Variants in EYS observed in about 807,000 individuals in gnomAD.
EYS encodes protein eyes shut homolog.
A neutral mutation model predicts 282.1 loss-of-function variants in EYS; 250 were observed. The observed-to-expected ratio is 0.89, with a 90% CI of 0.80 to 0.98. EYS has a LOEUF of 0.98. Among genes scored for constraint, EYS ranks in the 50% least tolerant of loss-of-function variants. EYS has a pLI of 0.00. For synonymous variants in EYS, 1,355 were observed against 1,282.9 expected (o/e 1.06, Z -1.20); for missense variants, 4,016 against 3,709.0 (o/e 1.08, Z -2.15).
intron 26 of EYS, among the ~76,000 whole-genome samples, chr6:64,479,208 C>G (rs1776364060): frequency 1.3e-5 from 2 of 151,934 alleles, no homozygotes; most frequent in Non-Finnish European, 2.9e-5. Flanking sequence ...CATTATGGCT[C>G]TCATAAGCTG....
chr6:65,454,421 T>A (rs181238485), intron 5 of EYS, among the ~76,000 whole-genome samples: 7 of 152,044 alleles, frequency 4.6e-5, no homozygotes, highest in Non-Finnish European at 1.0e-4. Context: ...GTTAGATGTA[T>A]AATTTGCACA....
intron 36 of EYS, among the ~76,000 whole-genome samples, chr6:63,852,073 C>T (rs1455925337): frequency 9.6e-5 from 13 of 135,168 alleles, no homozygotes; most frequent in East Asian, 4.8e-4. Context: ...AGGAGAATGG[C>T]GTGAACCCGG....
intron 31 of EYS, among the ~76,000 whole-genome samples, chr6:64,098,743 G>GGT (rs1350738912): frequency 6.6e-6 from 1 of 151,826 alleles, no homozygotes; most frequent in Admixed American, 6.6e-5. Flanking sequence ...TGGGACTAGA[G>GGT]GTGTGTGCCA....
intron 15 of EYS, among the ~76,000 whole-genome samples, chr6:64,938,222 G>A (rs575517888): frequency 4.0e-5 from 6 of 151,614 alleles, no homozygotes; most frequent in East Asian, 1.9e-4. Flanking sequence ...ACTTCTCTAC[G>A]AATCTACTAA....
intron 33 of EYS, among the ~76,000 whole-genome samples, chr6:64,001,950 A>G (rs1363701367): frequency 6.6e-6 from 1 of 152,168 alleles, no homozygotes; most frequent in African/African-American, 2.4e-5. Flanking sequence ...GAGAAACTAA[A>G]TGAGAATAGG....
At chr6:63,922,460 G>A (rs1764599581) in intron 35 of EYS, among the ~76,000 whole-genome samples, 1 of 152,108 alleles carries the variant, frequency 6.6e-6, no homozygotes, top group African/African-American at 2.4e-5. Flanking sequence ...CTACTTGGGA[G>A]GCTGAGGCAG....
chr6:64,395,884 A>G (rs1407790728), intron 28 of EYS, among the ~76,000 whole-genome samples: 2 of 152,178 alleles, frequency 1.3e-5, no homozygotes, highest in Non-Finnish European at 2.9e-5. Context: ...TGTTCCATGA[A>G]TATGTGACAT....
At chr6:64,986,353 A>G (rs1252887472) in intron 14 of EYS, among the ~76,000 whole-genome samples, 2 of 151,548 alleles carry the variant, frequency 1.3e-5, no homozygotes, top group Non-Finnish European at 3.0e-5. Flanking sequence ...ACAAATTCCT[A>G]TGTCAATTTA....
At chr6:64,978,785 A>G (rs934362651) in intron 14 of EYS, among the ~76,000 whole-genome samples, 1 of 151,904 alleles carries the variant, frequency 6.6e-6, no homozygotes, top group Non-Finnish European at 1.5e-5. Flanking sequence ...TGAGGGATTC[A>G]ATACTTCAGT....
chr6:64,685,316 A>T (rs1770053432), intron 22 of EYS, among the ~76,000 whole-genome samples: 1 of 152,214 alleles, frequency 6.6e-6, no homozygotes, highest in Non-Finnish European at 1.5e-5. Flanking sequence ...AAAAAATCTC[A>T]AATTCTTATT....
At chr6:64,389,571 T>A (rs1773032694) in intron 28 of EYS, among the ~76,000 whole-genome samples, 1 of 152,208 alleles carries the variant, frequency 6.6e-6, no homozygotes, top group Non-Finnish European at 1.5e-5. Context: ...TATGTTTCTT[T>A]ACATATAGTC....
chr6:65,028,028 A>C (rs1301376754), intron 13 of EYS, among the ~76,000 whole-genome samples: 2 of 152,088 alleles, frequency 1.3e-5, no homozygotes, highest in Non-Finnish European at 2.9e-5. Flanking sequence ...TCCCATCATC[A>C]ATGACTACAC....
intron 12 of EYS, among the ~76,000 whole-genome samples, chr6:65,239,730 T>G (rs58899549): frequency 6.6e-5 from 10 of 152,254 alleles, no homozygotes; most frequent in African/African-American, 2.4e-4. Flanking sequence ...CATATTTATT[T>G]GTGAAAGGAC....
intron 12 of EYS, among the ~76,000 whole-genome samples, chr6:65,287,352 TG>T (rs1162290996): frequency 1.3e-5 from 2 of 151,430 alleles, no homozygotes; most frequent in Non-Finnish European, 3.0e-5. Flanking sequence ...TCATTTCCCT[TG>T]GGGTCACTTC....
intron 19 of EYS, among the ~76,000 whole-genome samples, chr6:64,847,468 A>G (rs1765751408): frequency 6.6e-6 from 1 of 152,086 alleles, no homozygotes; most frequent in Non-Finnish European, 1.5e-5. Flanking sequence ...TTTATATCTC[A>G]TATCCTCATC....
intron 2 of EYS, among the ~76,000 whole-genome samples, chr6:65,534,779 C>T (rs757320850): frequency 1.3e-5 from 2 of 152,132 alleles, no homozygotes; most frequent in African/African-American, 2.4e-5. Flanking sequence ...CACTGCCTGC[C>T]TTTAAGTCTT....
At chr6:64,298,058 G>T (rs1326460919) in intron 30 of EYS, among the ~76,000 whole-genome samples, 1 of 151,856 alleles carries the variant, frequency 6.6e-6, no homozygotes, top group Non-Finnish European at 1.5e-5. Flanking sequence ...TGTTAACACT[G>T]GACCTTCCTT....
chr6:64,667,936 C>T (rs767341563), intron 22 of EYS, among the ~76,000 whole-genome samples: 1 of 152,124 alleles, frequency 6.6e-6, no homozygotes, highest in Middle Eastern at 3.2e-3. Flanking sequence ...TAGCATGCAT[C>T]ATAACATCTG....
intron 13 of EYS, among the ~76,000 whole-genome samples, chr6:65,041,073 T>C (rs1337578558): frequency 1.3e-5 from 2 of 151,766 alleles, no homozygotes; most frequent in African/African-American, 4.8e-5. Flanking sequence ...GGTACAGTTT[T>C]TCTTGATTCA....
Sources: allele counts gnomAD v4.1 joint callset (sites outside exome capture counted in the v4.1 genomes callset), GRCh38; gene constraint gnomAD v4.1.1; transcripts MANE v1.5; gene names NCBI Gene and HGNC (gene_info 2026-07-23, HGNC 2026-07-21).